ASTN2: variants seen among roughly 807,000 people sequenced by gnomAD.
ASTN2 encodes astrotactin 2.
Under a neutral mutation model 139.8 loss-of-function variants are expected in ASTN2, and 54 were observed. That is an observed-to-expected ratio of 0.39 (90% confidence interval 0.31 to 0.48). ASTN2 has a LOEUF of 0.48. Ranked by LOEUF, ASTN2 falls within the 20% of genes least tolerant of loss-of-function variation. The pLI is 0.95. For missense variants in ASTN2, 1,565 were observed against 1,725.1 expected (o/e 0.91, Z 1.64); for synonymous variants, 756 against 719.5 (o/e 1.05, Z -0.81).
intron 10 of ASTN2, among the ~76,000 whole-genome samples, chr9:116,874,640 A>C (rs1191686291): frequency 6.6e-6 from 1 of 152,224 alleles, no homozygotes; most frequent in Non-Finnish European, 1.5e-5. Flanking sequence ...AAAGATCCTC[A>C]ATAAAGAGCT....
chr9:117,207,784 C>T (rs1262821968), intron 3 of ASTN2, among the ~76,000 whole-genome samples: 1 of 152,208 alleles, frequency 6.6e-6, no homozygotes, highest in African/African-American at 2.4e-5. Flanking sequence ...GCTGCATGAA[C>T]ATCCCCCTGT....
intron 5 of ASTN2, among the ~76,000 whole-genome samples, chr9:117,080,971 C>G (rs1486971993): frequency 6.6e-6 from 1 of 152,140 alleles, no homozygotes; most frequent in African/African-American, 2.4e-5. Flanking sequence ...GATAGAGAGC[C>G]AAGGGGACTT....
intron 1 of ASTN2, among the ~76,000 whole-genome samples, chr9:117,381,740 T>A (rs1322358786): frequency 3.3e-5 from 5 of 152,188 alleles, no homozygotes; most frequent in Admixed American, 6.5e-5. Context: ...TAGCAATGTG[T>A]GAACAGACTA....
chr9:117,182,183 C>A (rs562002976), intron 3 of ASTN2, among the ~76,000 whole-genome samples: 3 of 151,804 alleles, frequency 2.0e-5, no homozygotes, highest in Admixed American at 2.0e-4. Flanking sequence ...GCAGGCCAGC[C>A]TCATGCATAT....
At position 117,066,945 on chromosome 9, in the gene ASTN2, A is replaced by G. The variant is rs1485226211; in HGVS notation, c.1277-26980T>C. Among the ~76,000 whole-genome samples the G allele has an allele frequency of 1.2e-3, 134 of 111,934 alleles. 1 individual carries two copies. The highest frequency in any genetic ancestry group is 3.8e-3 in the Middle Eastern group (1 of 260). The allele number at this position is 111,934 out of a possible 152,430, so 73.4% of individuals were successfully genotyped here. On this transcript the variant is annotated intron_variant, in intron 5 of 22. Coordinates refer to ENST00000313400, the MANE Select transcript of ASTN2 (RefSeq NM_001365068.1). Reference sequence around the variant, plus strand: ...GAGTAGGTTGCGAAAATTTTCTCCCATTTTGTAGGTTGCCTGTTCACTCTG... The same window carrying G: ...GAGTAGGTTGCGAAAATTTTCTCCCGTTTTGTAGGTTGCCTGTTCACTCTG...
chr9:117,181,085 T>A, intron 3 of ASTN2: 2 of 1,161,646 alleles, frequency 1.7e-6, no homozygotes, highest in Non-Finnish European at 2.6e-6. Context: ...CATGGTCCCT[T>A]AAAGCAACCC....
chr9:116,797,874 A>C (rs964014275), intron 13 of ASTN2, among the ~76,000 whole-genome samples: 1 of 152,186 alleles, frequency 6.6e-6, no homozygotes, highest in Non-Finnish European at 1.5e-5. Context: ...TATAGTGCAG[A>C]CAAACAGACT....
At chr9:116,874,694 C>T (rs146439162) in intron 10 of ASTN2, among the ~76,000 whole-genome samples, 5 of 152,128 alleles carry the variant, frequency 3.3e-5, no homozygotes, top group African/African-American at 1.2e-4. Context: ...AGATATTGAC[C>T]CAGCACTCAC....
At chr9:117,132,081 C>T (rs756159282) in intron 4 of ASTN2, among the ~76,000 whole-genome samples, 1 of 151,990 alleles carries the variant, frequency 6.6e-6, no homozygotes, top group Non-Finnish European at 1.5e-5. Context: ...TCAGTGAGTC[C>T]CTGTCTCCAT....
intron 13 of ASTN2, among the ~76,000 whole-genome samples, chr9:116,742,321 C>T (rs1039131865): frequency 6.6e-6 from 1 of 152,140 alleles, no homozygotes; most frequent in African/African-American, 2.4e-5. Flanking sequence ...CAGGTGATGG[C>T]CTCACAGTTG....
At chr9:116,981,359 G>A (rs1399420207) in intron 7 of ASTN2, among the ~76,000 whole-genome samples, 2 of 152,140 alleles carry the variant, frequency 1.3e-5, no homozygotes, top group African/African-American at 2.4e-5. Context: ...ACTCTGCTGA[G>A]GACTGGAAGA....
At chr9:116,430,913 T>C (rs1179356764) in intron 22 of ASTN2, among the ~76,000 whole-genome samples, 1 of 152,236 alleles carries the variant, frequency 6.6e-6, no homozygotes, top group Non-Finnish European at 1.5e-5. Context: ...AGGTCAGGCA[T>C]GCTTCAAGCT....
chr9:116,821,974 G>A (rs751268061), intron 11 of ASTN2, among the ~76,000 whole-genome samples: 2 of 151,998 alleles, frequency 1.3e-5, no homozygotes, highest in East Asian at 3.9e-4. Flanking sequence ...ATGAGGTACT[G>A]GGTTTTTATT....
At chr9:116,556,696 T>G (rs1461664597) in intron 19 of ASTN2, among the ~76,000 whole-genome samples, 2 of 152,194 alleles carry the variant, frequency 1.3e-5, no homozygotes, top group Non-Finnish European at 2.9e-5. Flanking sequence ...AAGACTTTAG[T>G]GACCCTAATG....
intron 3 of ASTN2, among the ~76,000 whole-genome samples, chr9:117,188,805 C>T (rs1444809120): frequency 6.6e-6 from 1 of 152,190 alleles, no homozygotes; most frequent in Non-Finnish European, 1.5e-5. Context: ...CTATGGGCTA[C>T]TGACTGTAAA....
chr9:116,452,460 G>C (rs754949943), intron 20 of ASTN2, among the ~76,000 whole-genome samples: 2 of 152,204 alleles, frequency 1.3e-5, no homozygotes, highest in Non-Finnish European at 2.9e-5. Flanking sequence ...CATGGTGACG[G>C]TGTGAGGACT....
chr9:117,224,024 TTAATCA>T (rs1832618803), intron 2 of ASTN2, among the ~76,000 whole-genome samples: 1 of 152,206 alleles, frequency 6.6e-6, no homozygotes, highest in South Asian at 2.1e-4. Context: ...TCAATCTTCC[TTAATCA>T]TCTTTAGATC....
At chr9:116,904,830 A>T (rs183852231) in intron 10 of ASTN2, among the ~76,000 whole-genome samples, 1 of 152,314 alleles carries the variant, frequency 6.6e-6, no homozygotes, top group Admixed American at 6.5e-5. Flanking sequence ...ACATCTCTCA[A>T]TCTTTCTGGA....
At chr9:117,120,489 C>T (rs748624019) in intron 4 of ASTN2, among the ~76,000 whole-genome samples, 7 of 152,170 alleles carry the variant, frequency 4.6e-5, no homozygotes, top group Admixed American at 2.0e-4. Flanking sequence ...AACATCCAGA[C>T]ATTTCAAAGA....
Sources: gnomAD v4.1 joint callset for allele counts (sites outside exome capture counted in the v4.1 genomes callset) on GRCh38, gnomAD v4.1.1 for gene constraint, MANE v1.5 for transcripts, NCBI Gene and HGNC (gene_info 2026-07-23, HGNC 2026-07-21) for gene names.